The following TPRA1 variants were observed in gnomAD, a reference collection of about 807,000 sequenced individuals.
TPRA1 encodes transmembrane protein adipocyte-associated 1.
Under a neutral mutation model 40.1 loss-of-function variants are expected in TPRA1, and 28 were observed. That is an observed-to-expected ratio of 0.70 (90% CI 0.52 to 0.96). The LOEUF is 0.96. Ranked by LOEUF, TPRA1 falls within the 40% of genes least tolerant of loss-of-function variation. TPRA1 has a pLI of 0.00. For missense variants in TPRA1, 441 were observed against 482.6 expected (o/e 0.91, Z 0.81); for synonymous variants, 219 against 209.7 (o/e 1.04, Z -0.38).
chr3:127,573,307 A>C lies in TPRA1; in HGVS notation c.*214T>G. 1 of 577,956 alleles carries C rather than the reference A, an allele frequency of 1.7e-6. No homozygotes were observed. Among genetic ancestry groups the C allele is most frequent in the Non-Finnish European group, 3.0e-6 (1 of 335,924 alleles). 35.8% of individuals were successfully genotyped at this position (577,956 alleles called of 1,614,324 possible). A position where few individuals can be genotyped will look rare whatever the true frequency, so the allele number is the denominator to read the frequency against. On this transcript the variant is annotated 3_prime_UTR_variant, in exon 11 of 11. Coordinates refer to ENST00000355552, the MANE Select transcript of TPRA1 (RefSeq NM_001136053.4). Reference sequence around the variant, plus strand: ...CCATGTCACTGAGCAGTATGAGAGCAGGTGGGAAGGGGAGGAGGGTCCCCA... The same window carrying C: ...CCATGTCACTGAGCAGTATGAGAGCCGGTGGGAAGGGGAGGAGGGTCCCCA...
intron 1 of TPRA1, among the ~76,000 whole-genome samples, chr3:127,588,964 C>A (rs890593040): frequency 6.6e-6 from 1 of 152,102 alleles, no homozygotes. Flanking sequence ...GGTCAGCTCA[C>A]GATAGGGGCC....
In TPRA1 at chr3:127,573,805, AG is replaced by A; in HGVS notation, c.855-18del. On this transcript the variant is annotated intron_variant, in intron 10 of 10. Coordinates refer to ENST00000355552, the MANE Select transcript of TPRA1 (RefSeq NM_001136053.4). ...GGCTCCGAGCTGATAAAAGGAAAAG[AG>A]GGGCATGGAAGCCTCACTGAGTGAT... 1 of 1,539,674 alleles carries A rather than the reference AG, an allele frequency of 6.5e-7. No individual in the cohort carries two copies. Among genetic ancestry groups the A allele is most frequent in the Non-Finnish European group, 8.8e-7 (1 of 1,138,986 alleles).
rs2073551380 is a variant in TPRA1, at chr3:127,575,178, G to A, written c.854+7C>T. 3 of 1,613,396 alleles carry A rather than the reference G, an allele frequency of 1.9e-6. No homozygotes were observed. Among genetic ancestry groups the A allele is most frequent in the Non-Finnish European group, 2.5e-6 (3 of 1,179,900 alleles). ...CCACGCGGGGGCGCCGGCGGCCACA[G>A]ACTCACCCGAAGAAGCCCCGGAGGA... is the stretch of plus-strand genomic sequence containing the variant. On this transcript the variant is annotated splice_region_variant and intron_variant, in intron 10 of 10. Transcript: ENST00000355552.
intron 1 of TPRA1, among the ~76,000 whole-genome samples, chr3:127,584,411 T>C (rs2073933608): frequency 8.7e-6 from 1 of 115,146 alleles, no homozygotes; most frequent in African/African-American, 3.4e-5. Context: ...ATCACACCAC[T>C]GCACTCCAGG....
chr3:127,575,058 A>G (rs1321419667), intron 10 of TPRA1, 127 bp downstream of exon 10: 3 of 989,520 alleles, frequency 3.0e-6, no homozygotes, highest in Admixed American at 2.5e-5. Context: ...AAGTGCATGT[A>G]TGTATGTGCG....
chr3:127,579,763 T>C lies in TPRA1; in HGVS notation c.235A>G (p.Ile79Val), dbSNP rs35293898. The change falls in exon 3 of 11, where the codon ATT becomes GTT. Residue 79 changes from isoleucine to valine, a missense_variant. By Grantham distance (29) the Ile-to-Val change is conservative. Transcript: ENST00000355552. ...RAKIRITSSP[I>V]FITFYILVFV... ...ACCAGGATGTAGAAGGTGATAAAAA[T>C]GGGGCTGGAGGTGATGCGGATCTTC... The C allele has an allele frequency of 3.0e-5, 49 of 1,613,982 alleles. No individual in the cohort carries two copies. The highest frequency in any genetic ancestry group is 3.9e-5 in the Non-Finnish European group (46 of 1,180,022).
intron 1 of TPRA1, among the ~76,000 whole-genome samples, chr3:127,584,098 C>CTTGA (rs2073921356): frequency 2.0e-5 from 3 of 148,036 alleles, no homozygotes; most frequent in Non-Finnish European, 3.0e-5. Flanking sequence ...GTGAAGCCAA[C>CTTGA]AACAAGCATG....
chr3:127,575,979 G>A lies in TPRA1; in HGVS notation c.570C>T (p.Gly190=). 5.6e-6 allele frequency: 9 copies of A among 1,614,054 alleles called. No individual in the cohort carries two copies. The highest frequency in any genetic ancestry group is 7.6e-6 in the Non-Finnish European group (9 of 1,180,036). ...AGGAGCTGACCAGCCAGAACTGGCG[G>A]CCCCCATGGCCATAGATATTAAAGT... ...AEDFNIYGHG[G]RQFWLVSSCF... Residue 190 remains glycine (G), a synonymous_variant, in exon 7 of 11, where the codon GGC becomes GGT. Coordinates refer to ENST00000355552, the MANE Select transcript of TPRA1 (RefSeq NM_001136053.4).
At chr3:127,582,829 C>T (rs542833925) in intron 1 of TPRA1, among the ~76,000 whole-genome samples, 32 of 149,026 alleles carry the variant, frequency 2.1e-4, no homozygotes, top group African/African-American at 7.9e-4. Flanking sequence ...GGAGAAACCC[C>T]GCCTCTACTA....
At chr3:127,580,238 C>A in intron 1 of TPRA1, 75 bp from the exon 2 acceptor site, 11 of 1,514,716 alleles carry the variant, frequency 7.3e-6, no homozygotes, top group Non-Finnish European at 9.7e-6. Flanking sequence ...CTGGGACTCC[C>A]AGGGGAAAAT....
upstream of TPRA1, among the ~76,000 whole-genome samples, chr3:127,591,481 G>A (rs1186749826): frequency 6.6e-6 from 1 of 152,116 alleles, no homozygotes; most frequent in East Asian, 1.9e-4. Context: ...CCCTGATTGC[G>A]CCTGTCTTAT....
At chr3:127,574,941 T>C (rs1576364519) in intron 10 of TPRA1, 1 of 563,994 alleles carries the variant, frequency 1.8e-6, no homozygotes, top group East Asian at 3.0e-5. Flanking sequence ...CATGTGCATG[T>C]GTGCATGCTT....
Position 127,576,485 on chromosome 3 carries a change from A to C in TPRA1, c.498+132T>G. On this transcript the variant is annotated intron_variant, in intron 6 of 10. Transcript: ENST00000355552. This position sits in a 1 kb window ranked among gnomAD's most constrained non-coding sequence, Gnocchi z 4.6. ...AATGTGCCTCGGTAACAAGCACCCC[A>C]TGTGATTTCTCAGGTGCAAAGTTTT... 1.1e-6 allele frequency: 1 copy of C among 886,774 alleles called. No individual in the cohort carries two copies. The highest frequency in any genetic ancestry group is 1.8e-5 in the South Asian group (1 of 56,816). 54.9% of individuals were successfully genotyped at this position (886,774 alleles called of 1,614,324 possible). A position where few individuals can be genotyped will look rare whatever the true frequency, so the allele number is the denominator to read the frequency against.
In TPRA1 at chr3:127,572,611, A is replaced by G. The variant is rs1022220149; in HGVS notation, c.*910T>C. 2.6e-5 allele frequency among the ~76,000 whole-genome samples: 4 copies of G among 152,216 alleles called. No homozygotes were observed. Among genetic ancestry groups the G allele is most frequent in the African/African-American group, 9.6e-5 (4 of 41,456 alleles). ...TGTGCCAAGCACTATTCTTGAGGCT[A>G]AAAATAAGAGCTATCCTTATCGTTC... On this transcript the variant is annotated 3_prime_UTR_variant, in exon 11 of 11. Transcript: ENST00000355552.
chr3:127,573,605 G>C lies in TPRA1; in HGVS notation c.1038C>G (p.Tyr346Ter). The C allele has an allele frequency of 6.2e-7, 1 of 1,613,204 alleles. No individual in the cohort carries two copies. ...TQFDSAGGVA[Y>*]LDDIASMPCH... ...AGGGCATGGAAGCGATGTCATCCAG[G>C]TAGGCCACCCCGCCGGCAGAGTCGA... Residue 346 changes from tyrosine (Y) to a stop codon, truncating the protein, a stop_gained, in exon 11 of 11, where the codon TAC becomes TAG. Transcript: ENST00000355552. LOFTEE classifies it high-confidence loss of function.
In TPRA1 at chr3:127,575,423, G is replaced by A. The variant is rs1174526289; in HGVS notation, c.753C>T (p.Phe251=). ...CGCACCAGAGCCCCTCGATGATGTC[G>A]AAGCACAGCAGCACACTCCCCAGCC... ...LQGLGSVLLC[F]DIIEGLCCVD... Residue 251 remains phenylalanine (F), a synonymous_variant, in exon 9 of 11, where the codon TTC becomes TTT. Transcript: ENST00000355552. 9 of 1,596,792 alleles carry A rather than the reference G, an allele frequency of 5.6e-6. No individual in the cohort carries two copies. The highest frequency in any genetic ancestry group is 7.7e-6 in the Non-Finnish European group (9 of 1,171,910).
At position 127,576,540 on chromosome 3, in the gene TPRA1, A is replaced by ACCTGAC; in HGVS notation, c.498+71_498+76dup. On this transcript the variant is annotated intron_variant, in intron 6 of 10. Transcript: ENST00000355552. This position sits in a 1 kb window ranked among gnomAD's most constrained non-coding sequence, Gnocchi z 4.6. ...ACTCTGAAGGTGATAAAGACTGGAA[A>ACCTGAC]CCTGACCCAGACCCAGAAGCAGTGG... The ACCTGAC allele has an allele frequency of 7.1e-7, 1 of 1,404,326 alleles. No homozygotes were observed. The highest frequency in any genetic ancestry group is 9.7e-7 in the Non-Finnish European group (1 of 1,034,856). 87.0% of individuals were successfully genotyped at this position (1,404,326 alleles called of 1,614,324 possible).
Position 127,573,614 on chromosome 3 carries a change from C to G in TPRA1, c.1029G>C (p.Gly343=), listed in dbSNP as rs2073454045. 3 of 1,613,260 alleles carry G rather than the reference C, an allele frequency of 1.9e-6. No homozygotes were observed. In the South Asian group the frequency reaches 3.3e-5, roughly 18 times the overall value. ...AAGCGATGTCATCCAGGTAGGCCAC[C>G]CCGCCGGCAGAGTCGAACTGCGTGC... ...YSSTQFDSAG[G]VAYLDDIASM... Residue 343 remains glycine, a synonymous_variant, in exon 11 of 11, where the codon GGG becomes GGC. Coordinates refer to ENST00000355552, the MANE Select transcript of TPRA1 (RefSeq NM_001136053.4).
chr3:127,586,215 G>A (rs143134162), intron 1 of TPRA1, among the ~76,000 whole-genome samples: 132 of 152,318 alleles, frequency 8.7e-4, no homozygotes, highest in Non-Finnish European at 1.4e-3. Context: ...AGCTGGAAGC[G>A]GGTGTGCAGC....
Sources: allele counts gnomAD v4.1 joint callset (sites outside exome capture counted in the v4.1 genomes callset), GRCh38; gene constraint gnomAD v4.1.1; non-coding constraint Gnocchi (gnomAD v3.1); transcripts MANE v1.5; gene names NCBI Gene and HGNC (gene_info 2026-07-23, HGNC 2026-07-21).